The following TPST1 variants were observed in gnomAD, a reference collection of about 807,000 sequenced individuals.
TPST1 encodes protein-tyrosine sulfotransferase 1.
TPST1 carries 20 observed loss-of-function variants against 34.8 expected under a neutral mutation model. The ratio of observed to expected loss-of-function variants is 0.57; its 90% CI spans 0.40 to 0.84. The LOEUF (loss-of-function observed/expected upper bound fraction) is 0.84, where lower values mean the gene tolerates loss of function less well. Among genes scored for constraint, TPST1 ranks in the 40% least tolerant of loss-of-function variants. The pLI is 0.00. For missense variants in TPST1, 353 were observed against 455.5 expected (o/e 0.78, Z 2.05); for synonymous variants, 152 against 159.4 (o/e 0.95, Z 0.35).
chr7:66,296,109 A>G (rs1204066545), intron 3 of TPST1, among the ~76,000 whole-genome samples: 1 of 152,204 alleles, frequency 6.6e-6, no homozygotes, highest in East Asian at 1.9e-4. Flanking sequence ...TGGCTAGATT[A>G]TCCTTTGCTT....
At chr7:66,216,768 C>T (rs1789420113) in intron 1 of TPST1, among the ~76,000 whole-genome samples, 1 of 152,152 alleles carries the variant, frequency 6.6e-6, no homozygotes, top group South Asian at 2.1e-4. Context: ...GCACCCAGCC[C>T]TGTTTGCTCT....
chr7:66,310,632 G>C (rs1584229170), intron 3 of TPST1, among the ~76,000 whole-genome samples: 1 of 152,100 alleles, frequency 6.6e-6, no homozygotes, highest in Admixed American at 6.6e-5. Context: ...ATCATTTCCA[G>C]CTCTGCCCTT....
chr7:66,280,107 A>G (rs1467091089), intron 2 of TPST1, among the ~76,000 whole-genome samples: 1 of 152,228 alleles, frequency 6.6e-6, no homozygotes, highest in Non-Finnish European at 1.5e-5. Context: ...TGTGGGCTGC[A>G]GACGGAAATC....
At position 66,218,979 on chromosome 7, in the gene TPST1, T is replaced by G. The variant is rs1167878930; in HGVS notation, c.-102+13457T>G. 2.0e-5 allele frequency among the ~76,000 whole-genome samples: 3 copies of G among 151,802 alleles called. No homozygotes were observed. The East Asian group carries it at 5.8e-4, about 29-fold the overall frequency. ...CACAGCAACCTCTGCCTCCCCGGTT[T>G]AAGCAATTCTTTTGCCTCAGCCTCT... On this transcript the variant is annotated intron_variant, in intron 1 of 5. Coordinates refer to ENST00000304842, the MANE Select transcript of TPST1 (RefSeq NM_003596.4).
intron 3 of TPST1, among the ~76,000 whole-genome samples, chr7:66,302,657 G>A (rs1311495165): frequency 6.6e-6 from 1 of 152,190 alleles, no homozygotes; most frequent in Non-Finnish European, 1.5e-5. Flanking sequence ...ATTGATTCAA[G>A]GTAGCTAGAA....
intron 3 of TPST1, among the ~76,000 whole-genome samples, chr7:66,337,299 ATTTTTTT>A (rs749288846): frequency 3.2e-4 from 35 of 107,720 alleles, no homozygotes; most frequent in Admixed American, 9.8e-4. Context: ...TAAAAGACAA[ATTTTTTT>A]TTTTTTTTTT....
Position 66,357,652 on chromosome 7 carries a change from A to C in TPST1, c.*29+781A>C, listed in dbSNP as rs114116759. On this transcript the variant is annotated intron_variant, in intron 5 of 5. Transcript: ENST00000304842. ...AGCTGGTTTCTCAGCCCAGATCTCC[A>C]GGTGCAGCTGCTCAGAGTTCATACC... Among the ~76,000 whole-genome samples the C allele has an allele frequency of 5.0e-3, 768 of 152,332 alleles. 5 individuals are homozygous for C. Among genetic ancestry groups the C allele is most frequent in the African/African-American group, 0.017 (714 of 41,582 alleles).
intron 2 of TPST1, among the ~76,000 whole-genome samples, chr7:66,269,657 A>G (rs1790659065): frequency 6.6e-6 from 1 of 152,250 alleles, no homozygotes; most frequent in African/African-American, 2.4e-5. Flanking sequence ...GCCCAGTAAT[A>G]TTCCAGCAGT....
intron 3 of TPST1, among the ~76,000 whole-genome samples, chr7:66,341,842 T>C (rs538790658): frequency 2.2e-4 from 34 of 152,016 alleles, no homozygotes; most frequent in African/African-American, 8.0e-4. Context: ...AGAGGTGAGG[T>C]GAAGGAACAA....
intron 2 of TPST1, among the ~76,000 whole-genome samples, chr7:66,243,287 A>G (rs759535188): frequency 5.9e-5 from 9 of 152,054 alleles, no homozygotes; most frequent in Non-Finnish European, 1.0e-4. Context: ...ATCTTTACCA[A>G]CACTTGGTAT....
chr7:66,320,888 G>A (rs1247955408), intron 3 of TPST1, among the ~76,000 whole-genome samples: 2 of 152,160 alleles, frequency 1.3e-5, no homozygotes, highest in East Asian at 1.9e-4. Context: ...GTGAGCCACC[G>A]TGCCCGGCCT....
At chr7:66,278,601 G>C (rs1048160459) in intron 2 of TPST1, among the ~76,000 whole-genome samples, 2 of 152,044 alleles carry the variant, frequency 1.3e-5, no homozygotes, top group African/African-American at 4.8e-5. Flanking sequence ...TAGCTAACAC[G>C]GTGAAACCCC....
chr7:66,217,724 A>G (rs918288688), intron 1 of TPST1, among the ~76,000 whole-genome samples: 4 of 151,398 alleles, frequency 2.6e-5, no homozygotes, highest in Admixed American at 1.3e-4. Context: ...AGCTGGGACT[A>G]CAGGCGTGTG....
intron 3 of TPST1, among the ~76,000 whole-genome samples, chr7:66,316,968 G>T (rs1219140599): frequency 6.6e-6 from 1 of 152,044 alleles, no homozygotes; most frequent in Admixed American, 6.6e-5. Flanking sequence ...TAACTAATGG[G>T]TACTAGGCTT....
At position 66,306,396 on chromosome 7, in the gene TPST1, G is replaced by A. The variant is rs557917636; in HGVS notation, c.1044+19687G>A. Among the ~76,000 whole-genome samples, 11 of 152,288 alleles carry A rather than the reference G, an allele frequency of 7.2e-5. No individual in the cohort carries two copies. The East Asian group carries it at 1.9e-3, about 27-fold the overall frequency. Reference sequence around the variant, plus strand: ...CAGAGGTTAAGGTGAGACCCGTGTAGGTGCATACATAAAAGTGGAGAGCTC... The same window carrying A: ...CAGAGGTTAAGGTGAGACCCGTGTAAGTGCATACATAAAAGTGGAGAGCTC... On this transcript the variant is annotated intron_variant, in intron 3 of 5. Transcript: ENST00000304842.
chr7:66,216,121 T>C (rs1237636468), intron 1 of TPST1, among the ~76,000 whole-genome samples: 1 of 152,224 alleles, frequency 6.6e-6, no homozygotes, highest in Admixed American at 6.5e-5. Context: ...TGCTTTGTTA[T>C]AGATTTATTC....
At chr7:66,268,304 C>T (rs1216746330) in intron 2 of TPST1, among the ~76,000 whole-genome samples, 1 of 152,088 alleles carries the variant, frequency 6.6e-6, no homozygotes, top group Non-Finnish European at 1.5e-5. Context: ...ACTATATATG[C>T]CTTATGGAAC....
At chr7:66,316,509 T>C (rs1044429091) in intron 3 of TPST1, among the ~76,000 whole-genome samples, 8 of 152,230 alleles carry the variant, frequency 5.3e-5, no homozygotes, top group South Asian at 2.1e-4. Flanking sequence ...TGTAAATAAC[T>C]GAAAGAGCTG....
intron 3 of TPST1, among the ~76,000 whole-genome samples, chr7:66,340,175 A>C (rs897217970): frequency 1.3e-5 from 2 of 152,094 alleles, no homozygotes; most frequent in African/African-American, 4.8e-5. Context: ...ATCTCTACTA[A>C]AAATACAAAG....
Sources: allele counts gnomAD v4.1 joint callset (sites outside exome capture counted in the v4.1 genomes callset), GRCh38; gene constraint gnomAD v4.1.1; transcripts MANE v1.5; gene names NCBI Gene and HGNC (gene_info 2026-07-23, HGNC 2026-07-21).